The following HPS3 variants were observed in gnomAD, a reference collection of about 807,000 sequenced individuals.
HPS3 encodes the protein HPS3 biogenesis of lysosomal organelles complex 2 subunit 1, also known as BLOC-2 complex member HPS3.
A neutral mutation model predicts 110.9 loss-of-function variants in HPS3; 79 were observed. That is an observed-to-expected ratio of 0.71 (90% CI 0.59 to 0.86). The LOEUF (loss-of-function observed/expected upper bound fraction) is 0.86. Among genes scored for constraint, HPS3 ranks in the 40% least tolerant of loss-of-function variants. The probability of loss-of-function intolerance (pLI) is 0.00; values close to 1 mark genes in which losing one functional copy is unlikely to be tolerated. For synonymous variants in HPS3, 428 were observed against 451.0 expected (o/e 0.95, Z 0.65); for missense variants, 1,197 against 1,206.2 (o/e 0.99, Z 0.11).
intron 11 of HPS3, 63 bp downstream of exon 11, chr3:149,160,342 T>C: frequency 9.3e-7 from 1 of 1,078,914 alleles, no homozygotes; most frequent in East Asian, 2.5e-5. Flanking sequence ...CTGAAGTGTT[T>C]AGCTGTCTTC....
At chr3:149,165,062 T>C (rs1007964220) in intron 14 of HPS3, among the ~76,000 whole-genome samples, 58 of 152,208 alleles carry the variant, frequency 3.8e-4, no homozygotes, top group African/African-American at 1.4e-3. Flanking sequence ...ATTTATGTGC[T>C]TCTTTAAAAA....
At position 149,140,374 on chromosome 3, in the gene HPS3, A is replaced by C. The variant is rs1204482731; in HGVS notation, c.588A>C (p.Gly196=). ...CTGTTGAGGTTTCTTTTTGTGTTGGATATGTTGCTGTCATGTCAGACTTAG... is the reference window on the plus strand; with the variant it reads ...CTGTTGAGGTTTCTTTTTGTGTTGGCTATGTTGCTGTCATGTCAGACTTAG... The part of the protein sequence containing the change: ...ITPVEVSFCV[G]YVAVMSDLEV... Residue 196 remains glycine (G), a synonymous_variant, in exon 2 of 17, where the codon GGA becomes GGC. Transcript: ENST00000296051. 1.2e-6 allele frequency: 2 copies of C among 1,610,392 alleles called. No homozygotes were observed. The highest frequency in any genetic ancestry group is 4.5e-5 in the East Asian group (2 of 44,830).
rs2689232 is a variant in HPS3, at chr3:149,150,574, C to T, written c.1164-25C>T. 353,480 of 1,606,278 alleles carry T rather than the reference C, an allele frequency of 0.22. 41,521 individuals carry two copies. The highest frequency in any genetic ancestry group is 0.29 in the South Asian group (26,541 of 90,900). On this transcript the variant is annotated intron_variant, in intron 5 of 16. Coordinates refer to ENST00000296051, the MANE Select transcript of HPS3 (RefSeq NM_032383.5). ...TGTTGGTTCTTGGCCTCACTTTGCTCAGCAGCCTGTGTCTTCCTCCTCAGT... is the reference window on the plus strand; with the variant it reads ...TGTTGGTTCTTGGCCTCACTTTGCTTAGCAGCCTGTGTCTTCCTCCTCAGT...
chr3:149,161,459 T>A (rs1272189495), intron 11 of HPS3, among the ~76,000 whole-genome samples: 1 of 115,690 alleles, frequency 8.6e-6, no homozygotes. Context: ...GTTTAGGGAA[T>A]AATAATAAAA....
chr3:149,163,850 C>CT lies in HPS3; in HGVS notation c.2491dup (p.Cys831LeufsTer2). 6.6e-7 allele frequency: 1 copy of CT among 1,524,014 alleles called. No homozygotes were observed. The highest frequency in any genetic ancestry group is 1.1e-5 in the South Asian group (1 of 89,088). 94.4% of individuals were successfully genotyped at this position (1,524,014 alleles called of 1,614,324 possible). On this transcript the variant is annotated frameshift_variant, in exon 14 of 17. Coordinates refer to ENST00000296051, the MANE Select transcript of HPS3 (RefSeq NM_032383.5). LOFTEE classifies it high-confidence loss of function. ...ATTCTTTTATGTTTTAGATAAATGC[C>CT]TGTAGTCATTATGGCTTAATTTATC...
intron 9 of HPS3, 146 bp from the exon 10 acceptor site, chr3:149,158,520 G>T: frequency 1.3e-6 from 1 of 770,650 alleles, no homozygotes; most frequent in Non-Finnish European, 2.3e-6. Context: ...AGGCATGGTG[G>T]CTTACACCTG....
At position 149,145,339 on chromosome 3, in the gene HPS3, C is replaced by A; in HGVS notation, c.971-15C>A. 1 of 1,589,316 alleles carries A rather than the reference C, an allele frequency of 6.3e-7. No individual in the cohort carries two copies. Among genetic ancestry groups the A allele is most frequent in the South Asian group, 1.1e-5 (1 of 90,370 alleles). On this transcript the variant is annotated splice_polypyrimidine_tract_variant and intron_variant, in intron 4 of 16. Transcript: ENST00000296051. ...TGGTTTCATGGTGTTTTATTTCTTT[C>A]ATTTTTGCATGCAGGTTCTCTTACA...
intron 1 of HPS3, among the ~76,000 whole-genome samples, chr3:149,131,208 G>A (rs1721750049): frequency 6.6e-6 from 1 of 151,926 alleles, no homozygotes; most frequent in Non-Finnish European, 1.5e-5. Context: ...TAAAAACTGT[G>A]GGGTTACCAT....
chr3:149,141,528 T>G (rs1313537269), intron 4 of HPS3, 148 bp downstream of exon 4: 15 of 580,484 alleles, frequency 2.6e-5, no homozygotes, highest in Non-Finnish European at 3.6e-5. Flanking sequence ...AGTTTTTTTT[T>G]TTGTTTTTTT....
chr3:149,150,685 G>A lies in HPS3; in HGVS notation c.1245+5G>A. The A allele has an allele frequency of 6.2e-7, 1 of 1,609,570 alleles. No individual in the cohort carries two copies. ...TACATGGACACCACCCTGAAGGTAA[G>A]AACTGGCTTATGAAGATAGTGAAAC... On this transcript the variant is annotated splice_donor_5th_base_variant and intron_variant, in intron 6 of 16. Transcript: ENST00000296051.
At chr3:149,139,658 A>C (rs903834154) in intron 1 of HPS3, among the ~76,000 whole-genome samples, 1 of 152,172 alleles carries the variant, frequency 6.6e-6, no homozygotes, top group Non-Finnish European at 1.5e-5. Context: ...TTTTGGTGTC[A>C]CCCTAATAGT....
intron 11 of HPS3, among the ~76,000 whole-genome samples, chr3:149,160,657 T>C (rs1723739486): frequency 6.6e-6 from 1 of 152,146 alleles, no homozygotes; most frequent in Non-Finnish European, 1.5e-5. Context: ...GCCATGAGCT[T>C]TAGGAGTCTA....
chr3:149,172,318 TCACACACACACACACACA>T lies in HPS3; in HGVS notation c.*117_*134del, dbSNP rs113015797. ...GTAGAGGAGTTTTTTATTTTATATA[TCACACACACACACACACA>T]CACACACACACACACACACATATAT... is the stretch of plus-strand genomic sequence containing the variant. On this transcript the variant is annotated 3_prime_UTR_variant, in exon 17 of 17. Coordinates refer to ENST00000296051, the MANE Select transcript of HPS3 (RefSeq NM_032383.5). 8 of 571,846 alleles carry T rather than the reference TCACACACACACACACACA, an allele frequency of 1.4e-5. No individual in the cohort carries two copies. The highest frequency in any genetic ancestry group is 1.0e-4 in the African/African-American group (5 of 49,420). 35.4% of individuals were successfully genotyped at this position (571,846 alleles called of 1,614,324 possible). A position where few individuals can be genotyped will look rare whatever the true frequency, so the allele number is the denominator to read the frequency against.
chr3:149,141,200 C>A lies in HPS3; in HGVS notation c.884+12C>A. 6.6e-7 allele frequency: 1 copy of A among 1,525,378 alleles called. No homozygotes were observed. 94.5% of individuals were successfully genotyped at this position (1,525,378 alleles called of 1,614,324 possible). On this transcript the variant is annotated intron_variant, in intron 3 of 16. Transcript: ENST00000296051. ...CACCTGCTCTATAGGTATTATAGTG[C>A]TTTTTTTTTTTTTACCAGCATTTTA...
rs1458084785 is a variant in HPS3 at position 149,160,082 on chromosome 3, G to T, written c.1909G>T (p.Ala637Ser). The change falls in exon 11 of 17, where the codon GCT becomes TCT. Residue 637 changes from alanine to serine, a missense_variant. Transcript: ENST00000296051. ...AAKVVQMFYV[A>S]EPKQVPHILC... Reference sequence around the variant, plus strand: ...AAAAGTGGTTCAGATGTTTTATGTGGCTGAGCCAAAGCAAGTGCCCCATAT... The same window carrying T: ...AAAAGTGGTTCAGATGTTTTATGTGTCTGAGCCAAAGCAAGTGCCCCATAT... 2 of 1,613,914 alleles carry T rather than the reference G, an allele frequency of 1.2e-6. No homozygotes were observed. The highest frequency in any genetic ancestry group is 1.7e-6 in the Non-Finnish European group (2 of 1,179,854).
rs532361216 is a variant in HPS3, at chr3:149,164,029, G to A, written c.2589+80G>A. 45 of 745,550 alleles carry A rather than the reference G, an allele frequency of 6.0e-5. No individual in the cohort carries two copies. The African/African-American group carries it at 7.0e-4, about 12-fold the overall frequency. 46.2% of individuals were successfully genotyped at this position (745,550 alleles called of 1,614,324 possible). A position where few individuals can be genotyped will look rare whatever the true frequency, so the allele number is the denominator to read the frequency against. ...GATTAAATTTGCTGAGACCCCAGGT[G>A]TCCTGTTAATCTAGAATGTAGAATT... On this transcript the variant is annotated intron_variant, in intron 14 of 16. Coordinates refer to ENST00000296051, the MANE Select transcript of HPS3 (RefSeq NM_032383.5).
chr3:149,152,065 G>A (rs997262761), intron 6 of HPS3, among the ~76,000 whole-genome samples: 2 of 152,168 alleles, frequency 1.3e-5, no homozygotes, highest in African/African-American at 4.8e-5. Flanking sequence ...TGCTGACCAG[G>A]CTTACTGCCT....
At chr3:149,169,954 T>A (rs1576713349) in intron 16 of HPS3, among the ~76,000 whole-genome samples, 1 of 152,308 alleles carries the variant, frequency 6.6e-6, no homozygotes, top group African/African-American at 2.4e-5. Flanking sequence ...TATATGTAAC[T>A]TGTAGATTTA....
rs199556788 is a variant in HPS3 at position 149,141,379 on chromosome 3, C to T, written c.969C>T (p.Thr323=). The T allele has an allele frequency of 2.5e-5, 40 of 1,610,832 alleles. No individual in the cohort carries two copies. The East Asian group carries it at 2.9e-4, about 12-fold the overall frequency. The part of the protein sequence containing the change: ...HSLQLLPIYQ[T]GSLTSDGKNL... The stretch of plus-strand genomic sequence containing the variant: ...TCCAGCTGCTACCCATTTACCAGAC[C>T]GGTAAGCATGACAGTGCAGGAGTGC... The change falls in exon 4 of 17, where the codon ACC becomes ACT. Residue 323 remains threonine (T), a splice_region_variant and synonymous_variant. Coordinates refer to ENST00000296051, the MANE Select transcript of HPS3 (RefSeq NM_032383.5).
Sources: allele counts gnomAD v4.1 joint callset (sites outside exome capture counted in the v4.1 genomes callset), GRCh38; gene constraint gnomAD v4.1.1; transcripts MANE v1.5; gene names NCBI Gene and HGNC (gene_info 2026-07-23, HGNC 2026-07-21).